Variants in MTSS1 observed in about 807,000 individuals in gnomAD.
MTSS1 encodes protein MTSS 1.
MTSS1 carries 18 observed loss-of-function variants against 79.0 expected under a neutral mutation model. The ratio of observed to expected loss-of-function variants is 0.23; its 90% CI spans 0.16 to 0.34. The LOEUF is 0.34. Ranked by LOEUF, MTSS1 falls within the 10% of genes least tolerant of loss-of-function variation. The probability of loss-of-function intolerance (pLI) is 1.00; values close to 1 mark genes in which losing one functional copy is unlikely to be tolerated. For synonymous variants in MTSS1, 341 were observed against 368.6 expected, an observed-to-expected ratio of 0.93 and a Z score of 0.86; for missense variants, 815 against 986.2, an observed-to-expected ratio of 0.83 and a Z score of 2.33.
chr8:124,716,130 A>G (rs1831932282), intron 1 of MTSS1, among the ~76,000 whole-genome samples: 1 of 152,194 alleles, frequency 6.6e-6, no homozygotes, highest in African/African-American at 2.4e-5. Flanking sequence ...GCAGTCTAGC[A>G]GTAAAGCTGA....
chr8:124,660,427 C>CGCAT (rs912895006), intron 3 of MTSS1, among the ~76,000 whole-genome samples: 3 of 121,420 alleles, frequency 2.5e-5, no homozygotes, highest in Non-Finnish European at 4.9e-5. Context: ...GTTGCCCATG[C>CGCAT]GCATGCACAC....
At chr8:124,567,269 A>ACC in intron 7 of MTSS1, 91 bp from the exon 8 acceptor site, 3 of 1,088,618 alleles carry the variant, frequency 2.8e-6, no homozygotes, top group Non-Finnish European at 4.1e-6. Flanking sequence ...TCTCTGTATA[A>ACC]CCCTTTCAGT....
At position 124,582,140 on chromosome 8, in the gene MTSS1, G is replaced by A. The variant is rs140403310; in HGVS notation, c.460+2947C>T. Reference sequence around the variant, plus strand: ...TGAGGACTGGCTAACTCCTTGCCTCGTGTTTACTTCTAGTAGGCATCTGAC... The same window carrying A: ...TGAGGACTGGCTAACTCCTTGCCTCATGTTTACTTCTAGTAGGCATCTGAC... On this transcript the variant is annotated intron_variant, in intron 6 of 13. Transcript: ENST00000518547. The surrounding 1 kb of genome is among the most constrained non-coding windows in gnomAD (Gnocchi z 4.8). Among the ~76,000 whole-genome samples, 1 of 152,212 alleles carries A rather than the reference G, an allele frequency of 6.6e-6. No individual in the cohort carries two copies. Among genetic ancestry groups the A allele is most frequent in the African/African-American group, 2.4e-5 (1 of 41,524 alleles).
In MTSS1 at chr8:124,568,608, G is replaced by C. The variant is rs747314663; in HGVS notation, c.461-72C>G. ...CTGGAACAAGTGCCCCTCCTCCCTGGGGTCCTTGCTGGAGTCAAAACCACA... is the reference window on the plus strand; with the variant it reads ...CTGGAACAAGTGCCCCTCCTCCCTGCGGTCCTTGCTGGAGTCAAAACCACA... On this transcript the variant is annotated intron_variant, in intron 6 of 13. Transcript: ENST00000518547. 9 of 1,600,950 alleles carry C rather than the reference G, an allele frequency of 5.6e-6. No individual in the cohort carries two copies. The Admixed American group carries it at 6.7e-5, about 12-fold the overall frequency.
chr8:124,661,851 T>C (rs541006329), intron 3 of MTSS1, among the ~76,000 whole-genome samples: 1 of 152,294 alleles, frequency 6.6e-6, no homozygotes, highest in South Asian at 2.1e-4. Flanking sequence ...CCCACATCTG[T>C]CTGCATTTCT....
intron 3 of MTSS1, among the ~76,000 whole-genome samples, chr8:124,649,431 A>G (rs1452586198): frequency 6.6e-6 from 1 of 152,066 alleles, no homozygotes; most frequent in Admixed American, 6.5e-5. Context: ...CTGAGATGGG[A>G]GCTATGCTTC....
intron 3 of MTSS1, among the ~76,000 whole-genome samples, chr8:124,681,467 T>C (rs559600888): frequency 6.6e-6 from 1 of 152,368 alleles, no homozygotes; most frequent in Admixed American, 6.5e-5. Flanking sequence ...GACCACTGTT[T>C]AGTTTAAATC....
intron 3 of MTSS1, among the ~76,000 whole-genome samples, chr8:124,684,608 T>G (rs1587794593): frequency 6.6e-6 from 1 of 152,168 alleles, no homozygotes; most frequent in East Asian, 1.9e-4. Context: ...GCTACATGTA[T>G]TTGAGAGATT....
intron 3 of MTSS1, among the ~76,000 whole-genome samples, chr8:124,693,933 T>G (rs1051689732): frequency 6.6e-6 from 1 of 152,234 alleles, no homozygotes; most frequent in African/African-American, 2.4e-5. Flanking sequence ...TCTAGGCTCC[T>G]AGGCCCTTTA....
chr8:124,579,113 T>C (rs1234231501), intron 6 of MTSS1, among the ~76,000 whole-genome samples: 1 of 152,174 alleles, frequency 6.6e-6, no homozygotes, highest in Non-Finnish European at 1.5e-5. Context: ...GTCAAAAGGC[T>C]ATACAGTTTC....
chr8:124,601,656 C>T (rs1407801928), intron 3 of MTSS1, among the ~76,000 whole-genome samples: 3 of 152,296 alleles, frequency 2.0e-5, no homozygotes, highest in East Asian at 1.9e-4. Flanking sequence ...GAGGACTGCC[C>T]GGGTGTTGCA....
chr8:124,714,754 A>G (rs1831679247), intron 1 of MTSS1, among the ~76,000 whole-genome samples: 1 of 152,180 alleles, frequency 6.6e-6, no homozygotes, highest in Non-Finnish European at 1.5e-5. Context: ...GGCATGAGCC[A>G]CCACTCCCAG....
rs556096253 is a variant in MTSS1, at chr8:124,608,057, T to C, written c.209-16822A>G. ...TTTTCCCAGTCTTGCCCAATTACCA[T>C]GAAAATGGGACATGATTCTAGCACC... is the stretch of plus-strand genomic sequence containing the variant. On this transcript the variant is annotated intron_variant, in intron 3 of 13. Coordinates refer to ENST00000518547, the MANE Select transcript of MTSS1 (RefSeq NM_014751.6). 7.8e-4 allele frequency among the ~76,000 whole-genome samples: 119 copies of C among 152,150 alleles called. 1 individual carries two copies. The highest frequency in any genetic ancestry group is 1.3e-3 in the Non-Finnish European group (86 of 68,018).
At position 124,666,585 on chromosome 8, in the gene MTSS1, A is replaced by AT. The variant is rs945617040; in HGVS notation, c.208+32940dup. Among the ~76,000 whole-genome samples the AT allele has an allele frequency of 8.1e-4, 123 of 152,296 alleles. 1 individual carries two copies. Among genetic ancestry groups the AT allele is most frequent in the African/African-American group, 2.7e-3 (111 of 41,560 alleles). ...GGATCCACAGACCCCTTGAAACTGA[A>AT]TGGAAAACTGAGTGACTATGTACCT... On this transcript the variant is annotated intron_variant, in intron 3 of 13. Transcript: ENST00000518547.
rs1825616445 is a variant in MTSS1 at position 124,562,771 on chromosome 8, G to A, written c.1035+11C>T. ...TGTGACAGCTGCTCCTGGAGCCAAG[G>A]GCACCCTTACCTGGTTGGGGGCCTC... On this transcript the variant is annotated intron_variant, in intron 10 of 13. Transcript: ENST00000518547. 6.2e-7 allele frequency: 1 copy of A among 1,612,734 alleles called. No homozygotes were observed. The highest frequency in any genetic ancestry group is 8.5e-7 in the Non-Finnish European group (1 of 1,179,048).
chr8:124,699,689 T>C, intron 2 of MTSS1, 90 bp from the exon 3 acceptor site: 1 of 1,157,476 alleles, frequency 8.6e-7, no homozygotes, highest in Non-Finnish European at 1.3e-6. Flanking sequence ...TGCTAAGGAG[T>C]ACATGTAACC....
At chr8:124,592,364 G>A (rs922433117) in intron 3 of MTSS1, among the ~76,000 whole-genome samples, 1 of 152,174 alleles carries the variant, frequency 6.6e-6, no homozygotes, top group Middle Eastern at 3.2e-3. Context: ...TGAACATTAC[G>A]AAAACACTGG....
chr8:124,719,660 T>C (rs1832626951), intron 1 of MTSS1, among the ~76,000 whole-genome samples: 1 of 152,242 alleles, frequency 6.6e-6, no homozygotes, highest in South Asian at 2.1e-4. Flanking sequence ...AAATTACTTA[T>C]ATGTTGAATG....
chr8:124,559,779 G>C (rs182090413), intron 10 of MTSS1, among the ~76,000 whole-genome samples: 2 of 152,248 alleles, frequency 1.3e-5, no homozygotes, highest in East Asian at 3.9e-4. Context: ...GGGTCTCCTG[G>C]GCACTGCTTT....
Sources: gnomAD v4.1 joint callset for allele counts (sites outside exome capture counted in the v4.1 genomes callset) on GRCh38, gnomAD v4.1.1 for gene constraint, Gnocchi (gnomAD v3.1) non-coding constraint, MANE v1.5 for transcripts, NCBI Gene and HGNC (gene_info 2026-07-23, HGNC 2026-07-21) for gene names.